The following DOCK1 variants were observed in gnomAD, a reference collection of about 807,000 sequenced individuals.
The protein encoded by DOCK1 is dedicator of cytokinesis 1, also known as dedicator of cytokinesis protein 1.
In DOCK1, 138 loss-of-function variants were observed where a neutral mutation model predicts 262.7. That is an observed-to-expected ratio of 0.53 (90% confidence interval 0.46 to 0.61). The LOEUF (loss-of-function observed/expected upper bound fraction) is 0.61. Ranked by LOEUF, DOCK1 falls within the 20% of genes least tolerant of loss-of-function variation. The pLI is 0.00. For missense variants in DOCK1, 1,908 were observed against 2,370.7 expected (o/e 0.80, Z 4.05); for synonymous variants, 866 against 867.4 (o/e 1.00, Z 0.03).
intron 50 of DOCK1, among the ~76,000 whole-genome samples, chr10:127,447,081 C>T (rs989707463): frequency 2.0e-5 from 3 of 152,188 alleles, no homozygotes; most frequent in Non-Finnish European, 4.4e-5. Flanking sequence ...AGGCAGGGGG[C>T]CCGAGCAGGG....
At chr10:127,392,992 A>T (rs34445471) in intron 38 of DOCK1, among the ~76,000 whole-genome samples, 7 of 151,952 alleles carry the variant, frequency 4.6e-5, no homozygotes, top group African/African-American at 1.7e-4. Flanking sequence ...CAGTTTATTA[A>T]GTGACCGAAC....
chr10:127,321,288 T>G (rs2062513638), intron 29 of DOCK1, among the ~76,000 whole-genome samples: 1 of 103,320 alleles, frequency 9.7e-6, no homozygotes, highest in Non-Finnish European at 1.9e-5. Flanking sequence ...TATCCTCCCC[T>G]CCCCTCTCCT....
intron 27 of DOCK1, among the ~76,000 whole-genome samples, chr10:127,133,060 C>T (rs2050421458): frequency 6.6e-6 from 1 of 152,154 alleles, no homozygotes; most frequent in Non-Finnish European, 1.5e-5. Context: ...TAAACACTGT[C>T]TCAGGGGGAC....
intron 21 of DOCK1, among the ~76,000 whole-genome samples, chr10:127,045,779 C>A (rs2044308117): frequency 6.6e-6 from 1 of 152,138 alleles, no homozygotes. Flanking sequence ...GGCTGCTCTT[C>A]CATAAAACCA....
At chr10:127,260,022 G>A (rs1344233971) in intron 29 of DOCK1, among the ~76,000 whole-genome samples, 2 of 152,030 alleles carry the variant, frequency 1.3e-5, no homozygotes, top group Non-Finnish European at 1.5e-5. Flanking sequence ...GCTTCTCCTG[G>A]GATATTCTGT....
At chr10:127,236,494 A>G (rs2059060299) in intron 27 of DOCK1, among the ~76,000 whole-genome samples, 1 of 123,510 alleles carries the variant, frequency 8.1e-6, no homozygotes, top group Non-Finnish European at 1.7e-5. Context: ...ATCCTTCTTG[A>G]CACGGGTTTT....
chr10:127,030,117 T>A (rs1324436435), intron 16 of DOCK1, among the ~76,000 whole-genome samples: 1 of 152,172 alleles, frequency 6.6e-6, no homozygotes, highest in Non-Finnish European at 1.5e-5. Flanking sequence ...CATGTTGTCT[T>A]GGGTAGTGGG....
At chr10:127,160,763 A>G (rs947033637) in intron 27 of DOCK1, among the ~76,000 whole-genome samples, 2 of 152,178 alleles carry the variant, frequency 1.3e-5, no homozygotes, top group East Asian at 1.9e-4. Context: ...TCTGCTCTCA[A>G]AGAAAATGTT....
At chr10:127,058,104 T>G (rs1198925792) in intron 22 of DOCK1, among the ~76,000 whole-genome samples, 1 of 151,294 alleles carries the variant, frequency 6.6e-6, no homozygotes, top group Non-Finnish European at 1.5e-5. Flanking sequence ...TACAGAAAGA[T>G]GCTTCAAAAG....
chr10:127,317,807 G>A (rs1002579002), intron 29 of DOCK1, among the ~76,000 whole-genome samples: 1 of 152,150 alleles, frequency 6.6e-6, no homozygotes, highest in Admixed American at 6.5e-5. Flanking sequence ...GCAGTGCCTT[G>A]CCTGTTCTTG....
At chr10:127,187,519 A>G (rs1456838368) in intron 27 of DOCK1, among the ~76,000 whole-genome samples, 1 of 152,154 alleles carries the variant, frequency 6.6e-6, no homozygotes, top group Non-Finnish European at 1.5e-5. Context: ...GTCTTTTAAA[A>G]GTTGTTTTGG....
Position 127,131,096 on chromosome 10 carries a change from C to A in DOCK1, c.2847+3332C>A, listed in dbSNP as rs1014359289. Among the ~76,000 whole-genome samples, 3 of 152,160 alleles carry A rather than the reference C, an allele frequency of 2.0e-5. No individual in the cohort carries two copies. The South Asian group carries it at 6.2e-4, about 31-fold the overall frequency. ...GGAAGAACCCCTGTGTTCTAAGGAA[C>A]CCTGAGGAGTTCCTCAGGAAGAAGC... On this transcript the variant is annotated intron_variant, in intron 27 of 51. Coordinates refer to ENST00000623213, the MANE Select transcript of DOCK1 (RefSeq NM_001290223.2).
chr10:126,921,778 G>T (rs912417963), intron 1 of DOCK1, among the ~76,000 whole-genome samples: 1 of 152,022 alleles, frequency 6.6e-6, no homozygotes, highest in Admixed American at 6.5e-5. Context: ...TCAGCCTCCC[G>T]AGTAGCTGGG....
At chr10:127,024,908 A>G (rs2042720862) in intron 15 of DOCK1, 125 bp downstream of exon 15, 8 of 737,222 alleles carry the variant, frequency 1.1e-5, no homozygotes, top group Admixed American at 3.0e-5. Flanking sequence ...GTGTCTCCCA[A>G]CAAAGTCATT....
chr10:127,301,119 C>G (rs1485877117), intron 29 of DOCK1, among the ~76,000 whole-genome samples: 1 of 152,166 alleles, frequency 6.6e-6, no homozygotes, highest in Non-Finnish European at 1.5e-5. Flanking sequence ...CAGGATCCAC[C>G]AAGGGGAGGA....
At chr10:127,200,301 C>A (rs2057394098) in intron 27 of DOCK1, among the ~76,000 whole-genome samples, 1 of 152,196 alleles carries the variant, frequency 6.6e-6, no homozygotes, top group Admixed American at 6.5e-5. Flanking sequence ...AGGAATGCGT[C>A]CAGCCTAGGT....
At position 127,120,934 on chromosome 10, in the gene DOCK1, C is replaced by T. The variant is rs185658604; in HGVS notation, c.2624-4540C>T. Among the ~76,000 whole-genome samples, 664 of 152,296 alleles carry T rather than the reference C, an allele frequency of 4.4e-3. 3 individuals carry two copies. The highest frequency in any genetic ancestry group is 6.8e-3 in the Middle Eastern group (2 of 294). On this transcript the variant is annotated intron_variant, in intron 25 of 51. Transcript: ENST00000623213. ...TAGGCTCATATTTGCTAAATACACACATCGTATCATTTAGTTCTCAGTCAA... is the reference window on the plus strand; with the variant it reads ...TAGGCTCATATTTGCTAAATACACATATCGTATCATTTAGTTCTCAGTCAA...
At chr10:127,220,690 C>T (rs771248146) in intron 27 of DOCK1, among the ~76,000 whole-genome samples, 5 of 151,596 alleles carry the variant, frequency 3.3e-5, no homozygotes, top group Admixed American at 2.0e-4. Context: ...ATATGGAGGG[C>T]GGAGGGTGGA....
intron 29 of DOCK1, among the ~76,000 whole-genome samples, chr10:127,310,226 C>A (rs1195540223): frequency 6.6e-6 from 1 of 152,082 alleles, no homozygotes; most frequent in Non-Finnish European, 1.5e-5. Context: ...TGGGATTTTT[C>A]TATGAATGAG....
Sources: gnomAD v4.1 joint callset for allele counts (sites outside exome capture counted in the v4.1 genomes callset) on GRCh38, gnomAD v4.1.1 for gene constraint, MANE v1.5 for transcripts, NCBI Gene and HGNC (gene_info 2026-07-23, HGNC 2026-07-21) for gene names.